Variants in ITSN1 observed in about 807,000 individuals in gnomAD.
ITSN1 encodes the protein intersectin-1.
A neutral mutation model predicts 239.8 loss-of-function variants in ITSN1; 58 were observed. That is an observed-to-expected ratio of 0.24 (90% CI 0.20 to 0.30). The LOEUF (loss-of-function observed/expected upper bound fraction) is 0.30. Among genes scored for constraint, ITSN1 ranks in the 10% least tolerant of loss-of-function variants. The pLI is 1.00. For synonymous variants in ITSN1, 780 were observed against 770.8 expected, an observed-to-expected ratio of 1.01 and a Z score of -0.20; for missense variants, 1,558 against 2,103.3, an observed-to-expected ratio of 0.74 and a Z score of 5.07.
intron 31 of ITSN1, among the ~76,000 whole-genome samples, chr21:33,863,115 G>A (rs1194605393): frequency 2.0e-5 from 3 of 152,162 alleles, no homozygotes; most frequent in Non-Finnish European, 4.4e-5. Context: ...AACACCTTGC[G>A]GTCTTCATAA....
intron 28 of ITSN1, among the ~76,000 whole-genome samples, chr21:33,835,791 C>T (rs2074565829): frequency 6.6e-6 from 1 of 152,054 alleles, no homozygotes; most frequent in Admixed American, 6.5e-5. Flanking sequence ...ATTAGCCAGG[C>T]GTAGTGGTGC....
chr21:33,739,453 A>G (rs2066710059), intron 5 of ITSN1, among the ~76,000 whole-genome samples: 2 of 152,208 alleles, frequency 1.3e-5, no homozygotes. Flanking sequence ...TGCTGGGAAC[A>G]TGCTGGCCAG....
At chr21:33,737,125 A>G (rs181755633) in intron 5 of ITSN1, among the ~76,000 whole-genome samples, 49 of 152,336 alleles carry the variant, frequency 3.2e-4, no homozygotes, top group East Asian at 7.7e-4. Flanking sequence ...CCTGGGGTCA[A>G]TAATTTTTCC....
intron 9 of ITSN1, 40 bp from the exon 10 acceptor site, chr21:33,765,835 T>C (rs746761496): frequency 1.2e-5 from 20 of 1,609,112 alleles, no homozygotes; most frequent in Non-Finnish European, 1.5e-5. Flanking sequence ...AAGCATGAAT[T>C]TTCATGAAAC....
rs1985174475 is a variant in ITSN1, at chr21:33,882,974, T to C, written c.4554+519T>C. ...CGTGCATGGCTGTGTTTGTGTGTCT[T>C]TGTGTCACGGGACGTTGTTTTTCTA... On this transcript the variant is annotated intron_variant, in intron 35 of 39. Coordinates refer to ENST00000381318, the MANE Select transcript of ITSN1 (RefSeq NM_003024.3). This position sits in a 1 kb window ranked among gnomAD's most constrained non-coding sequence, Gnocchi z 4.5. Among the ~76,000 whole-genome samples the C allele has an allele frequency of 6.6e-6, 1 of 152,236 alleles. No individual in the cohort carries two copies. The highest frequency in any genetic ancestry group is 1.5e-5 in the Non-Finnish European group (1 of 68,044).
intron 20 of ITSN1, among the ~76,000 whole-genome samples, chr21:33,804,477 A>T (rs182600509): frequency 3.9e-5 from 6 of 152,344 alleles, no homozygotes; most frequent in Non-Finnish European, 7.4e-5. Context: ...CTCAATAAAC[A>T]TTCACTAACT....
Position 33,836,562 on chromosome 21 carries a change from C to G in ITSN1, c.3591C>G (p.Val1197=). ...ACCCTGACTGGTGGAAAGGAGAAGT[C>G]AATGGACAAGTGGGGCTCTTCCCAT... is the stretch of plus-strand genomic sequence containing the variant. ...KEDPDWWKGE[V]NGQVGLFPSN... is the part of the protein sequence containing the mutation. The change falls in exon 29 of 40, where the codon GTC becomes GTG. Residue 1197 remains valine (V), a synonymous_variant. Coordinates refer to ENST00000381318, the MANE Select transcript of ITSN1 (RefSeq NM_003024.3). 6.2e-7 allele frequency: 1 copy of G among 1,614,180 alleles called. No individual in the cohort carries two copies. Among genetic ancestry groups the G allele is most frequent in the Non-Finnish European group, 8.5e-7 (1 of 1,180,020 alleles).
rs2074002799 is a variant in ITSN1, at chr21:33,826,883, GCTTA to G, written c.3229+24_3229+27del. The G allele has an allele frequency of 6.2e-7, 1 of 1,602,680 alleles. No individual in the cohort carries two copies. The highest frequency in any genetic ancestry group is 1.3e-5 in the African/African-American group (1 of 74,792). On this transcript the variant is annotated intron_variant, in intron 26 of 39. Coordinates refer to ENST00000381318, the MANE Select transcript of ITSN1 (RefSeq NM_003024.3). ...AACCTGGTAAGTTACAAACCCTGATGCTTACTTTTCAATGTTTTGAATGTAATTG... is the reference window on the plus strand; with the variant it reads ...AACCTGGTAAGTTACAAACCCTGATGCTTTTCAATGTTTTGAATGTAATTG...
At chr21:33,751,174 G>A (rs1419791888) in intron 6 of ITSN1, among the ~76,000 whole-genome samples, 2 of 152,272 alleles carry the variant, frequency 1.3e-5, no homozygotes, top group East Asian at 3.9e-4. Flanking sequence ...TGGACATGAT[G>A]GTAGCCCAGA....
intron 1 of ITSN1, among the ~76,000 whole-genome samples, chr21:33,713,988 C>A (rs1322032184): frequency 6.6e-6 from 1 of 152,052 alleles, no homozygotes; most frequent in East Asian, 1.9e-4. Flanking sequence ...GCATGTGCCA[C>A]CACACCGGGC....
At chr21:33,873,673 T>G (rs1324582697) in intron 33 of ITSN1, among the ~76,000 whole-genome samples, 1 of 148,612 alleles carries the variant, frequency 6.7e-6, no homozygotes, top group Non-Finnish European at 1.5e-5. Context: ...GAGTTTGAGA[T>G]CAGTCTGGCC....
At chr21:33,793,675 A>G (rs2071321795) in intron 16 of ITSN1, among the ~76,000 whole-genome samples, 1 of 152,236 alleles carries the variant, frequency 6.6e-6, no homozygotes, top group Non-Finnish European at 1.5e-5. Context: ...AATTGGATCC[A>G]AGGTATTCAT....
chr21:33,663,470 A>G (rs1156582164), intron 1 of ITSN1, among the ~76,000 whole-genome samples: 1 of 152,258 alleles, frequency 6.6e-6, no homozygotes, highest in Non-Finnish European at 1.5e-5. Context: ...GTAATAGACC[A>G]TTGAGTCAGA....
At chr21:33,719,585 C>A (rs2065365145) in intron 2 of ITSN1, among the ~76,000 whole-genome samples, 1 of 152,082 alleles carries the variant, frequency 6.6e-6, no homozygotes, top group African/African-American at 2.4e-5. Flanking sequence ...AATTGGGATC[C>A]AAATAAGATA....
chr21:33,701,265 G>GT (rs1568972686), intron 1 of ITSN1, among the ~76,000 whole-genome samples: 1 of 152,002 alleles, frequency 6.6e-6, no homozygotes, highest in African/African-American at 2.4e-5. Flanking sequence ...CGCCCAGCTA[G>GT]TTTTTGTGTA....
intron 31 of ITSN1, among the ~76,000 whole-genome samples, chr21:33,863,995 T>C (rs935181321): frequency 1.3e-5 from 2 of 152,258 alleles, no homozygotes; most frequent in African/African-American, 4.8e-5. Context: ...ACATCATTTA[T>C]GGTCCCTAAG....
intron 20 of ITSN1, 129 bp from the exon 21 acceptor site, chr21:33,810,845 TA>T: frequency 9.5e-7 from 1 of 1,047,122 alleles, no homozygotes; most frequent in Non-Finnish European, 1.5e-6. Flanking sequence ...ACACTTGGAC[TA>T]AGATGAAGAG....
In ITSN1 at chr21:33,883,583, C is replaced by T; in HGVS notation, c.4588C>T (p.Pro1530Ser). The change falls in exon 36 of 40, where the codon CCC (proline) becomes TCC (serine). Residue 1530 changes from proline (P) to serine (S), a missense_variant. Pro to Ser is a moderately conservative substitution (Grantham distance 74). This residue lies in a region of ITSN1 where 576 missense variants were observed against 893.3 expected (regional missense o/e 0.64). Coordinates refer to ENST00000381318, the MANE Select transcript of ITSN1 (RefSeq NM_003024.3). ...IFLNEVLVKL[P>S]TDPSGDEPIF... Reference sequence around the variant, plus strand: ...CCTAAATGAGGTTCTAGTAAAATTACCCACCGACCCTTCTGGAGACGAGCC... The same window carrying T: ...CCTAAATGAGGTTCTAGTAAAATTATCCACCGACCCTTCTGGAGACGAGCC... 6.2e-7 allele frequency: 1 copy of T among 1,613,752 alleles called. No homozygotes were observed. Among genetic ancestry groups the T allele is most frequent in the Non-Finnish European group, 8.5e-7 (1 of 1,179,758 alleles).
At chr21:33,783,704 A>G (rs141024442) in intron 16 of ITSN1, among the ~76,000 whole-genome samples, 27 of 152,132 alleles carry the variant, frequency 1.8e-4, no homozygotes, top group Admixed American at 1.5e-3. Context: ...AAAAAAAAAA[A>G]AAATAGCACT....
Sources: gnomAD v4.1 joint callset for allele counts (sites outside exome capture counted in the v4.1 genomes callset) on GRCh38, gnomAD v4.1.1 for gene constraint, gnomAD v4.1.1 regional missense constraint, Gnocchi (gnomAD v3.1) non-coding constraint, MANE v1.5 for transcripts, NCBI Gene and HGNC (gene_info 2026-07-23, HGNC 2026-07-21) for gene names.